The following CALN1 variants were observed in gnomAD, a reference collection of about 807,000 sequenced individuals.
The protein encoded by CALN1 is calneuron 1.
A neutral mutation model predicts 30.6 loss-of-function variants in CALN1; 17 were observed. The ratio of observed to expected loss-of-function variants is 0.56; its 90% CI spans 0.38 to 0.83. CALN1 has a LOEUF of 0.83. CALN1 is among the 40% of genes least tolerant of loss of function. The pLI, the probability that CALN1 is intolerant of heterozygous loss-of-function variation, is 0.00. For synonymous variants in CALN1, 156 were observed against 131.4 expected, an observed-to-expected ratio of 1.19 and a Z score of -1.28; for missense variants, 291 against 354.9, an observed-to-expected ratio of 0.82 and a Z score of 1.45.
chr7:71,986,125 G>A (rs1798661325), intron 5 of CALN1, among the ~76,000 whole-genome samples: 1 of 151,856 alleles, frequency 6.6e-6, no homozygotes, highest in South Asian at 2.1e-4. Context: ...TCAGCTCACT[G>A]CAACCTCCTC....
chr7:72,029,702 T>C (rs1272492730), intron 4 of CALN1, among the ~76,000 whole-genome samples: 1 of 152,182 alleles, frequency 6.6e-6, no homozygotes, highest in Non-Finnish European at 1.5e-5. Context: ...AGTTTTCAGG[T>C]TGGTGAACAC....
intron 3 of CALN1, among the ~76,000 whole-genome samples, chr7:72,201,449 G>A (rs983541295): frequency 6.6e-6 from 1 of 152,024 alleles, no homozygotes; most frequent in African/African-American, 2.4e-5. Context: ...AACTTAGCCA[G>A]GCATGGTGGT....
chr7:72,224,537 A>G (rs113298802), intron 3 of CALN1, among the ~76,000 whole-genome samples: 3 of 152,310 alleles, frequency 2.0e-5, no homozygotes, highest in African/African-American at 7.2e-5. Flanking sequence ...TAATCTCAGC[A>G]CTTTGGGAGG....
intron 5 of CALN1, among the ~76,000 whole-genome samples, chr7:71,913,072 C>T (rs1411338171): frequency 6.6e-6 from 1 of 152,166 alleles, no homozygotes; most frequent in Non-Finnish European, 1.5e-5. Flanking sequence ...TGTTTATCTA[C>T]TTCGTCAACT....
At chr7:72,080,611 G>A (rs537880029) in intron 4 of CALN1, among the ~76,000 whole-genome samples, 1 of 152,272 alleles carries the variant, frequency 6.6e-6, no homozygotes, top group Non-Finnish European at 1.5e-5. Flanking sequence ...GTGCCCTGGG[G>A]TATTTGACAG....
At chr7:71,813,930 CAAAA>C (rs540550294) in intron 5 of CALN1, among the ~76,000 whole-genome samples, 4 of 68,552 alleles carry the variant, frequency 5.8e-5, no homozygotes, top group African/African-American at 4.9e-5. Flanking sequence ...GACTCTGTTG[CAAAA>C]AAAAAAAAAA....
intron 1 of CALN1, among the ~76,000 whole-genome samples, chr7:72,434,352 A>G (rs1245953213): frequency 6.6e-6 from 1 of 151,316 alleles, no homozygotes; most frequent in African/African-American, 2.4e-5. Context: ...AAATACCAAA[A>G]AAAAAAAAAA....
chr7:72,325,889 G>T (rs1179784318), intron 2 of CALN1, among the ~76,000 whole-genome samples: 1 of 152,082 alleles, frequency 6.6e-6, no homozygotes, highest in Non-Finnish European at 1.5e-5. Context: ...CAAAAAATGT[G>T]ATTTAACTGT....
intron 2 of CALN1, among the ~76,000 whole-genome samples, chr7:72,337,416 T>TCG (rs1172935158): frequency 3.7e-5 from 1 of 27,034 alleles, no homozygotes; most frequent in Admixed American, 5.2e-4. Flanking sequence ...GCACTCACAC[T>TCG]CGCGCGCACA....
intron 2 of CALN1, among the ~76,000 whole-genome samples, chr7:72,379,178 GGATTACAGTGGTGT>G (rs553205858): frequency 2.0e-5 from 3 of 152,136 alleles, no homozygotes; most frequent in African/African-American, 7.2e-5. Context: ...CACACAAACT[GGATTACAGTGGTGT>G]GATCACAGCT....
chr7:72,132,095 T>G (rs1471565137), intron 3 of CALN1, among the ~76,000 whole-genome samples: 1 of 152,172 alleles, frequency 6.6e-6, no homozygotes, highest in African/African-American at 2.4e-5. Context: ...CACAAAAACA[T>G]ATTGATCAAT....
At chr7:71,984,735 T>C (rs1467804496) in intron 5 of CALN1, among the ~76,000 whole-genome samples, 1 of 152,222 alleles carries the variant, frequency 6.6e-6, no homozygotes, top group African/African-American at 2.4e-5. Flanking sequence ...CCAGACCAGC[T>C]GCAGAGTAAA....
chr7:71,941,612 T>C (rs991406161), intron 5 of CALN1, among the ~76,000 whole-genome samples: 4 of 152,186 alleles, frequency 2.6e-5, no homozygotes, highest in African/African-American at 7.2e-5. Flanking sequence ...AACAATGGTA[T>C]ACACTTGACA....
chr7:72,193,986 C>T (rs1790811023), intron 3 of CALN1, among the ~76,000 whole-genome samples: 1 of 152,246 alleles, frequency 6.6e-6, no homozygotes, highest in Non-Finnish European at 1.5e-5. Flanking sequence ...AGAGATAAGA[C>T]TACACATTGG....
the CALN1 span, among the ~76,000 whole-genome samples, chr7:72,465,117 C>T: frequency 5.9e-5 from 9 of 152,174 alleles, no homozygotes; most frequent in Non-Finnish European, 4.4e-5. Context: ...CCTCTCTCTG[C>T]TCTCTCCAGA....
the CALN1 span, among the ~76,000 whole-genome samples, chr7:72,490,758 C>T: frequency 6.6e-6 from 1 of 152,178 alleles, no homozygotes; most frequent in African/African-American, 2.4e-5. Flanking sequence ...TTCACCCTTC[C>T]ACCATGATTG....
intron 3 of CALN1, among the ~76,000 whole-genome samples, chr7:72,268,451 G>C (rs1272339563): frequency 6.6e-6 from 1 of 152,328 alleles, no homozygotes; most frequent in Admixed American, 6.5e-5. Context: ...GAAGCAAAAT[G>C]TTAAAAGTGC....
intron 3 of CALN1, among the ~76,000 whole-genome samples, chr7:72,197,670 A>T (rs570915573): frequency 5.3e-5 from 8 of 152,230 alleles, no homozygotes; most frequent in Admixed American, 1.3e-4. Flanking sequence ...TCCCTACAAA[A>T]AAATAAATAA....
At chr7:72,348,970 A>G (rs1802784522) in intron 2 of CALN1, among the ~76,000 whole-genome samples, 1 of 152,214 alleles carries the variant, frequency 6.6e-6, no homozygotes, top group African/African-American at 2.4e-5. Flanking sequence ...AGCTATTAGG[A>G]TGTTCAAGGA....
Sources: gnomAD v4.1 joint callset for allele counts (sites outside exome capture counted in the v4.1 genomes callset) on GRCh38, gnomAD v4.1.1 for gene constraint, MANE v1.5 for transcripts, NCBI Gene and HGNC (gene_info 2026-07-23, HGNC 2026-07-21) for gene names.